The following AUNIP variants were observed in gnomAD, a reference collection of about 807,000 sequenced individuals.
AUNIP encodes the protein aurora kinase A and ninein interacting protein, also known as aurora kinase A- and ninein-interacting protein.
In AUNIP, 16 loss-of-function variants were observed where a neutral mutation model predicts 12.2. That is an observed-to-expected ratio of 1.31 (90% CI 0.88 to 1.99). The LOEUF is 1.99. Ranked by LOEUF, AUNIP falls within the 30% of genes most tolerant of loss-of-function variation. The pLI, the probability that AUNIP is intolerant of heterozygous loss-of-function variation, is 0.00. For missense variants in AUNIP, 411 were observed against 419.1 expected (o/e 0.98, Z 0.17); for synonymous variants, 142 against 154.8 (o/e 0.92, Z 0.61).
downstream of AUNIP, among the ~76,000 whole-genome samples, chr1:25,833,519 A>G (rs1423298585): frequency 6.6e-6 from 1 of 151,420 alleles, no homozygotes; most frequent in African/African-American, 2.5e-5. Flanking sequence ...ACAGTGGCTC[A>G]CACCTCTAAT....
intron 1 of AUNIP, 90 bp downstream of exon 1, chr1:25,859,190 A>G (rs1376034601): frequency 1.5e-6 from 2 of 1,359,488 alleles, no homozygotes; most frequent in Non-Finnish European, 2.0e-6. Flanking sequence ...CTTCGCTTTC[A>G]TCATCTCCAG....
intron 2 of AUNIP, among the ~76,000 whole-genome samples, chr1:25,836,130 A>T (rs922744140): frequency 6.6e-6 from 1 of 152,164 alleles, no homozygotes; most frequent in Admixed American, 6.6e-5. Context: ...ACCATAGCCT[A>T]CTTTACCAGC....
intron 1 of AUNIP, among the ~76,000 whole-genome samples, chr1:25,844,370 A>C (rs1424881585): frequency 6.6e-6 from 1 of 152,142 alleles, no homozygotes; most frequent in African/African-American, 2.4e-5. Flanking sequence ...AAGTGCTGGG[A>C]TTACAGGTGT....
At chr1:25,858,175 A>G (rs983173574) in intron 1 of AUNIP, among the ~76,000 whole-genome samples, 1 of 152,096 alleles carries the variant, frequency 6.6e-6, no homozygotes, top group Non-Finnish European at 1.5e-5. Context: ...TCAAAAAATA[A>G]TAATAATAAA....
rs2048421810 is a variant in AUNIP, at chr1:25,851,172, A to G, written c.78+8108T>C. Among the ~76,000 whole-genome samples, 3 of 152,288 alleles carry G rather than the reference A, an allele frequency of 2.0e-5. No homozygotes were observed. The East Asian group carries it at 5.8e-4, about 29-fold the overall frequency. The stretch of plus-strand genomic sequence containing the variant: ...TTTTATGCTATTAGTATGGTATATT[A>G]ATTGGTTTTCAAATTTAAACCAACC... On this transcript the variant is annotated intron_variant, in intron 1 of 2. Coordinates refer to ENST00000374298, the MANE Select transcript of AUNIP (RefSeq NM_024037.3).
At chr1:25,856,961 A>G (rs2048466653) in intron 1 of AUNIP, among the ~76,000 whole-genome samples, 1 of 151,972 alleles carries the variant, frequency 6.6e-6, no homozygotes, top group Admixed American at 6.6e-5. Context: ...AAAAAATACA[A>G]AAAATGAGCT....
chr1:25,847,588 C>G lies in AUNIP; in HGVS notation c.79-10034G>C, dbSNP rs1296051196. On this transcript the variant is annotated intron_variant, in intron 1 of 2. Coordinates refer to ENST00000374298, the MANE Select transcript of AUNIP (RefSeq NM_024037.3). The surrounding 1 kb of genome is among the most constrained non-coding windows in gnomAD (Gnocchi z 4.2). ...CCTTAAAAAACATTTAAGCAATCCCCTACTAAGCCTATTTAGGTCCTTCTT... is the reference window on the plus strand; with the variant it reads ...CCTTAAAAAACATTTAAGCAATCCCGTACTAAGCCTATTTAGGTCCTTCTT... Among the ~76,000 whole-genome samples, 1 of 152,080 alleles carries G rather than the reference C, an allele frequency of 6.6e-6. No homozygotes were observed. The highest frequency in any genetic ancestry group is 2.4e-5 in the African/African-American group (1 of 41,410).
chr1:25,840,672 T>C (rs1157549787), intron 1 of AUNIP, among the ~76,000 whole-genome samples: 1 of 152,206 alleles, frequency 6.6e-6, no homozygotes, highest in African/African-American at 2.4e-5. Context: ...ACAAACACCA[T>C]ACATGATTTC....
chr1:25,858,170 A>AAAT (rs1275699705), intron 1 of AUNIP, among the ~76,000 whole-genome samples: 1 of 152,128 alleles, frequency 6.6e-6, no homozygotes, highest in East Asian at 1.9e-4. Context: ...CCATCTCAAA[A>AAAT]AATAATAATA....
chr1:25,856,464 T>C (rs2124516597), intron 1 of AUNIP, among the ~76,000 whole-genome samples: 1 of 150,880 alleles, frequency 6.6e-6, no homozygotes, highest in South Asian at 2.1e-4. Flanking sequence ...TCACCTCAGG[T>C]TGGGAGTTCA....
At chr1:25,833,809 G>A (rs1166765260), downstream of AUNIP, among the ~76,000 whole-genome samples, 2 of 151,746 alleles carry the variant, frequency 1.3e-5, no homozygotes, top group Non-Finnish European at 2.9e-5. Context: ...TTATAACCTT[G>A]CAAGTTTGTC....
Position 25,836,767 on chromosome 1 carries a change from G to A in AUNIP, c.220+646C>T, listed in dbSNP as rs185150042. 5.4e-4 allele frequency among the ~76,000 whole-genome samples: 82 copies of A among 152,242 alleles called. 1 individual carries two copies. Among genetic ancestry groups the A allele is most frequent in the African/African-American group, 1.9e-3 (79 of 41,524 alleles). ...CTGCCCTTACATAAAGCAAAAGAGTGTACGTTTTTGTTTGGAGGAGGGAGA... is the reference window on the plus strand; with the variant it reads ...CTGCCCTTACATAAAGCAAAAGAGTATACGTTTTTGTTTGGAGGAGGGAGA... On this transcript the variant is annotated intron_variant, in intron 2 of 2. Transcript: ENST00000374298.
chr1:25,854,556 C>T (rs1394476034), intron 1 of AUNIP, among the ~76,000 whole-genome samples: 1 of 152,184 alleles, frequency 6.6e-6, no homozygotes, highest in Non-Finnish European at 1.5e-5. Flanking sequence ...TTCCCTCATA[C>T]ATCTAACATA....
intron 1 of AUNIP, among the ~76,000 whole-genome samples, chr1:25,853,403 C>G (rs2048437372): frequency 6.6e-6 from 1 of 151,864 alleles, no homozygotes; most frequent in Admixed American, 6.6e-5. Flanking sequence ...TTGAGAACAG[C>G]CTGACCAACA....
At position 25,837,402 on chromosome 1, in the gene AUNIP, G is replaced by C. The variant is rs183825741; in HGVS notation, c.220+11C>G. On this transcript the variant is annotated intron_variant, in intron 2 of 2. Coordinates refer to ENST00000374298, the MANE Select transcript of AUNIP (RefSeq NM_024037.3). ...CTGGATAATGAAGTATTCCCATATGGGTCACCATACCTGGCTGCAAGGTGA... is the reference window on the plus strand; with the variant it reads ...CTGGATAATGAAGTATTCCCATATGCGTCACCATACCTGGCTGCAAGGTGA... 2.3e-4 allele frequency: 364 copies of C among 1,611,498 alleles called. 1 individual carries two copies. In the African/African-American group the frequency reaches 2.8e-3, roughly 13 times the overall value.
At chr1:25,842,816 T>C (rs1044834700) in intron 1 of AUNIP, among the ~76,000 whole-genome samples, 3 of 152,198 alleles carry the variant, frequency 2.0e-5, no homozygotes, top group African/African-American at 7.2e-5. Context: ...CATCTATTTA[T>C]AGCATGGTTT....
intron 1 of AUNIP, among the ~76,000 whole-genome samples, chr1:25,843,179 A>ATATATATATAT (rs2048357260): frequency 1.8e-5 from 2 of 108,614 alleles, no homozygotes; most frequent in Admixed American, 1.7e-4. Context: ...TCTCAAAAAA[A>ATATATATATAT]AAAAAAATAT....
At chr1:25,848,141 C>T (rs138699815) in intron 1 of AUNIP, among the ~76,000 whole-genome samples, 7 of 152,172 alleles carry the variant, frequency 4.6e-5, no homozygotes, top group Admixed American at 2.0e-4. Context: ...TGACAACAAA[C>T]GCCTTCCATC....
chr1:25,833,764 A>C (rs907549435), downstream of AUNIP, among the ~76,000 whole-genome samples: 2 of 151,732 alleles, frequency 1.3e-5, no homozygotes, highest in African/African-American at 4.9e-5. Context: ...AAAAAAATAA[A>C]ATTTAAGTTA....
Sources: gnomAD v4.1 joint callset for allele counts (sites outside exome capture counted in the v4.1 genomes callset) on GRCh38, gnomAD v4.1.1 for gene constraint, Gnocchi (gnomAD v3.1) non-coding constraint, MANE v1.5 for transcripts, NCBI Gene and HGNC (gene_info 2026-07-23, HGNC 2026-07-21) for gene names.